The following PDP2 variants were observed in gnomAD, a reference collection of about 807,000 sequenced individuals.
The protein encoded by PDP2 is [Pyruvate dehydrogenase [acetyl-transferring]]-phosphatase 2, mitochondrial.
In PDP2, 23 loss-of-function variants were observed where a neutral mutation model predicts 34.2. The observed-to-expected ratio is 0.67, with a 90% confidence interval of 0.48 to 0.95. The LOEUF is 0.95. PDP2 is among the 40% of genes least tolerant of loss of function. The probability of loss-of-function intolerance (pLI) is 0.00; values close to 1 mark genes in which losing one functional copy is unlikely to be tolerated. For synonymous variants in PDP2, 275 were observed against 269.2 expected (o/e 1.02, Z -0.21); for missense variants, 571 against 659.6 (o/e 0.87, Z 1.47).
chr16:66,885,349 G>T lies in PDP2; in HGVS notation c.1065G>T (p.Trp355Cys). Residue 355 changes from tryptophan (W) to cysteine (C), a missense_variant, in exon 2 of 2, where the codon TGG (tryptophan) becomes TGT (cysteine). Around this residue, in one of 2 missense-constraint regions of PDP2, gnomAD observed 281 missense variants for 375.8 expected, o/e 0.75. Transcript: ENST00000311765. The surrounding 1 kb of genome is among the most constrained non-coding windows in gnomAD (Gnocchi z 4.6). ...CCTTTGGGGATGTTCAGCTGAAGTG[G>T]AGTAAAGAGTTGCAGCGCAGCATTC... ...CRAFGDVQLK[W>C]SKELQRSILE... 1 of 1,614,148 alleles carries T rather than the reference G, an allele frequency of 6.2e-7. No homozygotes were observed.
chr16:66,888,087 T>C lies in PDP2; in HGVS notation c.*2213T>C, dbSNP rs1961862062. 6.8e-6 allele frequency: 1 copy of C among 147,450 alleles called. No homozygotes were observed. The highest frequency in any genetic ancestry group is 2.5e-5 in the African/African-American group (1 of 40,080). The allele number at this position is 147,450 out of a possible 1,614,324, so 9.1% of individuals were successfully genotyped here. A position where few individuals can be genotyped will look rare whatever the true frequency, so the allele number is the denominator to read the frequency against. On this transcript the variant is annotated 3_prime_UTR_variant, in exon 2 of 2. Coordinates refer to ENST00000311765, the MANE Select transcript of PDP2 (RefSeq NM_020786.4). Reference sequence around the variant, plus strand: ...CTCTCTCTTTCTTTCTTTCTTTCCTTCTTGACAGGGTCTCCCTGTAGCCAG... The same window carrying C: ...CTCTCTCTTTCTTTCTTTCTTTCCTCCTTGACAGGGTCTCCCTGTAGCCAG...
At chr16:66,883,266 G>T (rs1253638685) in intron 1 of PDP2, among the ~76,000 whole-genome samples, 3 of 152,158 alleles carry the variant, frequency 2.0e-5, no homozygotes, top group Non-Finnish European at 4.4e-5. Flanking sequence ...CTGAGTAGCT[G>T]GGACTACAGG....
At position 66,887,690 on chromosome 16, in the gene PDP2, C is replaced by G. The variant is rs951583194; in HGVS notation, c.*1816C>G. ...CTTCTTGGCTGGGTGCAGTAGTTTA[C>G]GCCTGTAATCCCAGCACTGTGGGAG... On this transcript the variant is annotated 3_prime_UTR_variant, in exon 2 of 2. Transcript: ENST00000311765. 6.0e-6 allele frequency: 1 copy of G among 167,012 alleles called. No individual in the cohort carries two copies. Among genetic ancestry groups the G allele is most frequent in the Admixed American group, 6.5e-5 (1 of 15,286 alleles). The allele number at this position is 167,012 out of a possible 1,614,324, so 10.3% of individuals were successfully genotyped here.
Position 66,887,995 on chromosome 16 carries a change from T to A in PDP2, c.*2121T>A, listed in dbSNP as rs72794233. On this transcript the variant is annotated 3_prime_UTR_variant, in exon 2 of 2. Transcript: ENST00000311765. The stretch of plus-strand genomic sequence containing the variant: ...ATCCATCTTATCTCTTAGTCCGTCC[T>A]TCCTTCCTTCCTTCCTTCCTTCCTT... The A allele has an allele frequency of 5.1e-4, 13 of 25,382 alleles. 2 individuals are homozygous for A. Among genetic ancestry groups the A allele is most frequent in the Middle Eastern group, 0.029 (2 of 68 alleles). 1.6% of individuals were successfully genotyped at this position (25,382 alleles called of 1,614,324 possible).
rs1193179303 is a variant in PDP2, at chr16:66,889,770, C to G, written c.*3896C>G. On this transcript the variant is annotated 3_prime_UTR_variant, in exon 2 of 2. Transcript: ENST00000311765. ...GACTCACTTGAGTACAGTATGAGACCAGCCTGGGCAACATAGATCTTGCCT... is the reference window on the plus strand; with the variant it reads ...GACTCACTTGAGTACAGTATGAGACGAGCCTGGGCAACATAGATCTTGCCT... The G allele has an allele frequency of 6.7e-6, 1 of 149,654 alleles. No homozygotes were observed. The highest frequency in any genetic ancestry group is 2.5e-5 in the African/African-American group (1 of 40,434). The allele number at this position is 149,654 out of a possible 1,614,324, so 9.3% of individuals were successfully genotyped here. A position where few individuals can be genotyped will look rare whatever the true frequency, so the allele number is the denominator to read the frequency against.
At position 66,886,828 on chromosome 16, in the gene PDP2, C is replaced by G; in HGVS notation, c.*954C>G. The G allele has an allele frequency of 5.4e-6, 1 of 184,558 alleles. No individual in the cohort carries two copies. The allele number at this position is 184,558 out of a possible 1,614,324, so 11.4% of individuals were successfully genotyped here. A position where few individuals can be genotyped will look rare whatever the true frequency, so the allele number is the denominator to read the frequency against. On this transcript the variant is annotated 3_prime_UTR_variant, in exon 2 of 2. Transcript: ENST00000311765. ...GCTGAACCCCTCATTCACCCTGCAC[C>G]TGCCAACTGCAAAATATTGTCTGAA...
Position 66,885,012 on chromosome 16 carries a change from C to T in PDP2, c.728C>T (p.Ser243Leu), listed in dbSNP as rs556993186. Reference sequence around the variant, plus strand: ...TTCCAGAGACTGGATTCTGACATCTCGCTGGAAATCCAGGCCCCCCTGGAA... The same window carrying T: ...TTCCAGAGACTGGATTCTGACATCTTGCTGGAAATCCAGGCCCCCCTGGAA... ...YSFQRLDSDI[S>L]LEIQAPLEDE... is the part of the protein sequence containing the mutation. The change falls in exon 2 of 2, where the codon TCG (serine) becomes TTG (leucine). Residue 243 changes from serine (S) to leucine (L), a missense_variant. Around this residue, in one of 2 missense-constraint regions of PDP2, gnomAD observed 281 missense variants for 375.8 expected, o/e 0.75. Transcript: ENST00000311765. This position sits in a 1 kb window ranked among gnomAD's most constrained non-coding sequence, Gnocchi z 4.6. The T allele has an allele frequency of 9.9e-6, 16 of 1,613,464 alleles. No homozygotes were observed. Among genetic ancestry groups the T allele is most frequent in the African/African-American group, 6.7e-5 (5 of 75,038 alleles).
In PDP2 at chr16:66,887,827, C is replaced by T. The variant is rs1961827596; in HGVS notation, c.*1953C>T. The T allele has an allele frequency of 6.6e-6, 1 of 152,598 alleles. No homozygotes were observed. The highest frequency in any genetic ancestry group is 1.5e-5 in the Non-Finnish European group (1 of 68,082). 9.5% of individuals were successfully genotyped at this position (152,598 alleles called of 1,614,324 possible). On this transcript the variant is annotated 3_prime_UTR_variant, in exon 2 of 2. Coordinates refer to ENST00000311765, the MANE Select transcript of PDP2 (RefSeq NM_020786.4). ...ATTAGCCAGGTGTGGTGGTGCATGCCTGTAATCCCAGCTACTCGGGAGGCT... is the reference window on the plus strand; with the variant it reads ...ATTAGCCAGGTGTGGTGGTGCATGCTTGTAATCCCAGCTACTCGGGAGGCT...
chr16:66,886,055 T>C lies in PDP2; in HGVS notation c.*181T>C. 1.6e-6 allele frequency: 1 copy of C among 624,550 alleles called. No individual in the cohort carries two copies. Among genetic ancestry groups the C allele is most frequent in the Non-Finnish European group, 2.9e-6 (1 of 350,172 alleles). The allele number at this position is 624,550 out of a possible 1,614,324, so 38.7% of individuals were successfully genotyped here. On this transcript the variant is annotated 3_prime_UTR_variant, in exon 2 of 2. Coordinates refer to ENST00000311765, the MANE Select transcript of PDP2 (RefSeq NM_020786.4). ...TAAAAAACAGTGAAATAGCAGTGAT[T>C]TCATGTCCCTGTATGTTCTGATTAA...
In PDP2 at chr16:66,885,125, G is replaced by C. The variant is rs201113883; in HGVS notation, c.841G>C (p.Val281Leu). 2 of 1,613,944 alleles carry C rather than the reference G, an allele frequency of 1.2e-6. No homozygotes were observed. The highest frequency in any genetic ancestry group is 1.1e-5 in the South Asian group (1 of 91,078). The change falls in exon 2 of 2, where the codon GTG becomes CTG. Residue 281 changes from valine (V) to leucine (L), a missense_variant. Around this residue, in one of 2 missense-constraint regions of PDP2, gnomAD observed 281 missense variants for 375.8 expected, o/e 0.75. Coordinates refer to ENST00000311765, the MANE Select transcript of PDP2 (RefSeq NM_020786.4). This position sits in a 1 kb window ranked among gnomAD's most constrained non-coding sequence, Gnocchi z 4.6. ...CCATGTTGATGGAATTCACTTGCACGTGGCAAATGCTGGTGACTGCCGAGC... is the reference window on the plus strand; with the variant it reads ...CCATGTTGATGGAATTCACTTGCACCTGGCAAATGCTGGTGACTGCCGAGC... ...MAHVDGIHLH[V>L]ANAGDCRAIL...
chr16:66,881,418 GT>G lies in PDP2; in HGVS notation c.-55+791del, dbSNP rs113395207. On this transcript the variant is annotated intron_variant, in intron 1 of 1. Transcript: ENST00000311765. ...TTATAATGGGTCAAGGTTTTGTTCT[GT>G]TTTTTTTTTTTTAATTTAATTTAAT... Among the ~76,000 whole-genome samples, 872 of 134,882 alleles carry G rather than the reference GT, an allele frequency of 6.5e-3. 2 individuals carry two copies. The highest frequency in any genetic ancestry group is 7.5e-3 in the Middle Eastern group (2 of 266). 88.5% of individuals were successfully genotyped at this position (134,882 alleles called of 152,430 possible). A position where few individuals can be genotyped will look rare whatever the true frequency, so the allele number is the denominator to read the frequency against.
chr16:66,882,823 T>C (rs1385516154), intron 1 of PDP2, among the ~76,000 whole-genome samples: 1 of 152,176 alleles, frequency 6.6e-6, no homozygotes, highest in African/African-American at 2.4e-5. Flanking sequence ...GAAATATACA[T>C]GTATATAAAA....
Position 66,890,078 on chromosome 16 carries a change from G to A in PDP2, c.*4204G>A, listed in dbSNP as rs1469558533. The stretch of plus-strand genomic sequence containing the variant: ...GTGGATTACCTGAGGTCAGGAGTTT[G>A]AGACCAGCCTGACCAACATGGTAAA... On this transcript the variant is annotated 3_prime_UTR_variant, in exon 2 of 2. Coordinates refer to ENST00000311765, the MANE Select transcript of PDP2 (RefSeq NM_020786.4). 3 of 151,652 alleles carry A rather than the reference G, an allele frequency of 2.0e-5. No individual in the cohort carries two copies. The highest frequency in any genetic ancestry group is 4.4e-5 in the Non-Finnish European group (3 of 67,986). 9.4% of individuals were successfully genotyped at this position (151,652 alleles called of 1,614,324 possible). A position where few individuals can be genotyped will look rare whatever the true frequency, so the allele number is the denominator to read the frequency against.
At position 66,884,654 on chromosome 16, in the gene PDP2, C is replaced by A. The variant is rs1007410203; in HGVS notation, c.370C>A (p.Arg124=). The change falls in exon 2 of 2, where the codon CGA becomes AGA. Residue 124 remains arginine, a synonymous_variant. Coordinates refer to ENST00000311765, the MANE Select transcript of PDP2 (RefSeq NM_020786.4). ...LAANSPVEDR[R]GVASCLQTNG... ...TGCCAATTCCCCAGTGGAGGACCGG[C>A]GAGGTGTAGCCTCCTGCCTGCAAAC... is the stretch of plus-strand genomic sequence containing the variant. 1.9e-6 allele frequency: 3 copies of A among 1,614,212 alleles called. No homozygotes were observed. The highest frequency in any genetic ancestry group is 1.1e-5 in the South Asian group (1 of 91,082).
At chr16:66,880,765 G>C (rs915646689) in intron 1 of PDP2, 125 bp downstream of exon 1, 1 of 152,330 alleles carries the variant, frequency 6.6e-6, no homozygotes, top group Non-Finnish European at 1.5e-5. Context: ...AGGTGACTGG[G>C]CGGAGGGAGA....
At position 66,885,619 on chromosome 16, in the gene PDP2, C is replaced by T. The variant is rs150645928; in HGVS notation, c.1335C>T (p.Pro445=). 2,354 of 1,614,052 alleles carry T rather than the reference C, an allele frequency of 1.5e-3. 3 individuals carry two copies. Among genetic ancestry groups the T allele is most frequent in the Non-Finnish European group, 1.8e-3 (2,181 of 1,180,028 alleles). ...DWHKTDLAQR[P]ANLGLMQSLL... ...ACAAGACAGACCTGGCCCAGAGACCCGCCAACTTGGGGCTCATGCAGAGCC... is the reference window on the plus strand; with the variant it reads ...ACAAGACAGACCTGGCCCAGAGACCTGCCAACTTGGGGCTCATGCAGAGCC... The change falls in exon 2 of 2, where the codon CCC becomes CCT. Residue 445 remains proline (P), a synonymous_variant. Transcript: ENST00000311765. The surrounding 1 kb of genome is among the most constrained non-coding windows in gnomAD (Gnocchi z 4.6).
At chr16:66,884,018 C>A (rs1394445067) in intron 1 of PDP2, among the ~76,000 whole-genome samples, 1 of 151,684 alleles carries the variant, frequency 6.6e-6, no homozygotes, top group African/African-American at 2.4e-5. Flanking sequence ...ACTAAACATA[C>A]AAAAAATTGG....
rs1961785917 is a variant in PDP2 at position 66,886,847 on chromosome 16, G to A, written c.*973G>A. Reference sequence around the variant, plus strand: ...CTGCACCTGCCAACTGCAAAATATTGTCTGAAAGAATCTTTCACATGTTCC... The same window carrying A: ...CTGCACCTGCCAACTGCAAAATATTATCTGAAAGAATCTTTCACATGTTCC... On this transcript the variant is annotated 3_prime_UTR_variant, in exon 2 of 2. Transcript: ENST00000311765. The A allele has an allele frequency of 5.5e-6, 1 of 181,586 alleles. No individual in the cohort carries two copies. Among genetic ancestry groups the A allele is most frequent in the African/African-American group, 2.4e-5 (1 of 42,172 alleles). The allele number at this position is 181,586 out of a possible 1,614,324, so 11.2% of individuals were successfully genotyped here. A position where few individuals can be genotyped will look rare whatever the true frequency, so the allele number is the denominator to read the frequency against.
In PDP2 at chr16:66,889,014, C is replaced by G. The variant is rs969199863; in HGVS notation, c.*3140C>G. ...TGGGGAGCACCTCCTGATTAAACTC[C>G]TGTCTCCCTGACCACTATCCTGCTG... On this transcript the variant is annotated 3_prime_UTR_variant, in exon 2 of 2. Transcript: ENST00000311765. 6.6e-6 allele frequency: 1 copy of G among 152,158 alleles called. No individual in the cohort carries two copies. Among genetic ancestry groups the G allele is most frequent in the African/African-American group, 2.4e-5 (1 of 41,420 alleles). The allele number at this position is 152,158 out of a possible 1,614,324, so 9.4% of individuals were successfully genotyped here.
Sources: gnomAD v4.1 joint callset for allele counts (sites outside exome capture counted in the v4.1 genomes callset) on GRCh38, gnomAD v4.1.1 for gene constraint, gnomAD v4.1.1 regional missense constraint, Gnocchi (gnomAD v3.1) non-coding constraint, MANE v1.5 for transcripts, NCBI Gene and HGNC (gene_info 2026-07-23, HGNC 2026-07-21) for gene names.